The following KIAA1671 variants were observed in gnomAD, a reference collection of about 807,000 sequenced individuals.
The protein encoded by KIAA1671 is KIAA1671.
KIAA1671 carries 52 observed loss-of-function variants against 131.2 expected under a neutral mutation model. The observed-to-expected ratio is 0.40, with a 90% confidence interval of 0.32 to 0.50. The LOEUF is 0.50. Ranked by LOEUF, KIAA1671 falls within the 20% of genes least tolerant of loss-of-function variation. KIAA1671 has a pLI of 0.73. For missense variants in KIAA1671, 2,360 were observed against 2,364.2 expected (o/e 1.00, Z 0.04); for synonymous variants, 1,003 against 961.6 (o/e 1.04, Z -0.80).
chr22:25,135,425 A>G (rs1472948526), intron 6 of KIAA1671, among the ~76,000 whole-genome samples: 7 of 152,126 alleles, frequency 4.6e-5, no homozygotes, highest in African/African-American at 1.7e-4. Context: ...TGACCTTGTG[A>G]TCCACCTGCC....
chr22:25,082,036 C>T (rs989362130), intron 6 of KIAA1671, among the ~76,000 whole-genome samples: 1 of 152,030 alleles, frequency 6.6e-6, no homozygotes, highest in East Asian at 1.9e-4. Context: ...AGGTTGATGC[C>T]CTCTCCGTGC....
At chr22:25,181,457 C>T (rs1169723125) in intron 9 of KIAA1671, among the ~76,000 whole-genome samples, 1 of 152,178 alleles carries the variant, frequency 6.6e-6, no homozygotes, top group Non-Finnish European at 1.5e-5. Flanking sequence ...TGCCTCTGTC[C>T]TCCCGCAAAA....
intron 3 of KIAA1671, among the ~76,000 whole-genome samples, chr22:25,029,996 A>G (rs1379447466): frequency 1.3e-5 from 2 of 152,250 alleles, no homozygotes; most frequent in Non-Finnish European, 2.9e-5. Flanking sequence ...CAGAGGAGTC[A>G]AGGTAACTTG....
In KIAA1671 at chr22:25,197,207, T is replaced by A. The variant is rs544219946; in HGVS notation, c.*4806T>A. The A allele has an allele frequency of 2.0e-5, 3 of 152,238 alleles. No individual in the cohort carries two copies. Among genetic ancestry groups the A allele is most frequent in the Admixed American group, 6.5e-5 (1 of 15,292 alleles). 9.4% of individuals were successfully genotyped at this position (152,238 alleles called of 1,614,324 possible). A position where few individuals can be genotyped will look rare whatever the true frequency, so the allele number is the denominator to read the frequency against. The stretch of plus-strand genomic sequence containing the variant: ...AATCTCTAACCGTGTGACTGAGAAG[T>A]CATCTAGAAAAACTTATATTTTTAA... On this transcript the variant is annotated 3_prime_UTR_variant, in exon 13 of 13. Transcript: ENST00000358431.
intron 1 of KIAA1671, chr22:25,012,756 G>A (rs980769285): frequency 6.6e-6 from 1 of 152,220 alleles, no homozygotes; most frequent in Non-Finnish European, 1.5e-5. Flanking sequence ...GTATTCCTCT[G>A]TTAAATTGGG....
chr22:25,191,839 G>A (rs571639690), intron 12 of KIAA1671, among the ~76,000 whole-genome samples: 6 of 152,188 alleles, frequency 3.9e-5, no homozygotes, highest in South Asian at 2.1e-4. Context: ...CTAAGTCAGT[G>A]GTAAAACCTG....
intron 9 of KIAA1671, among the ~76,000 whole-genome samples, chr22:25,181,439 G>T (rs886940182): frequency 6.6e-6 from 1 of 152,172 alleles, no homozygotes; most frequent in African/African-American, 2.4e-5. Context: ...GGGCCCAGGA[G>T]ATGGGTTTGC....
At chr22:24,995,893 G>A (rs1363521367) in intron 1 of KIAA1671, among the ~76,000 whole-genome samples, 1 of 152,234 alleles carries the variant, frequency 6.6e-6, no homozygotes, top group Non-Finnish European at 1.5e-5. Context: ...GACTGGCTCT[G>A]GAAGTCCCTG....
In KIAA1671 at chr22:25,196,515, G is replaced by C. The variant is rs1039882824; in HGVS notation, c.*4114G>C. On this transcript the variant is annotated 3_prime_UTR_variant, in exon 13 of 13. Coordinates refer to ENST00000358431, the MANE Select transcript of KIAA1671 (RefSeq NM_001145206.2). ...AGTGGCACAATCATAGCTCACTCCA[G>C]CCTCCAACTCCTGGGCTCAAGCAAT... The C allele has an allele frequency of 6.6e-6, 1 of 151,828 alleles. No homozygotes were observed. Among genetic ancestry groups the C allele is most frequent in the African/African-American group, 2.4e-5 (1 of 41,274 alleles). 9.4% of individuals were successfully genotyped at this position (151,828 alleles called of 1,614,324 possible).
In KIAA1671 at chr22:25,093,823, T is replaced by TC. The variant is rs1555877744; in HGVS notation, c.4530+44459_4530+44460insC. ...CTCTCTCTCTCTCTGTCTCTCTCTCTTTCTCTCTCTGTCTGTCTCTCTCTC... is the reference window on the plus strand; with the variant it reads ...CTCTCTCTCTCTCTGTCTCTCTCTCTCTTCTCTCTCTGTCTGTCTCTCTCTC... On this transcript the variant is annotated intron_variant, in intron 6 of 12. Transcript: ENST00000358431. Among the ~76,000 whole-genome samples the TC allele has an allele frequency of 3.0e-3, 227 of 75,416 alleles. 14 individuals carry two copies. Among genetic ancestry groups the TC allele is most frequent in the Middle Eastern group, 5.6e-3 (1 of 178 alleles). The allele number at this position is 75,416 out of a possible 152,430, so 49.5% of individuals were successfully genotyped here. A position where few individuals can be genotyped will look rare whatever the true frequency, so the allele number is the denominator to read the frequency against.
chr22:24,987,171 A>AT (rs772183225), intron 1 of KIAA1671, among the ~76,000 whole-genome samples: 101 of 146,836 alleles, frequency 6.9e-4, no homozygotes, highest in South Asian at 1.5e-3. Context: ...TATTATTATT[A>AT]TTTTTTTTTT....
intron 6 of KIAA1671, among the ~76,000 whole-genome samples, chr22:25,089,058 A>G (rs1206217183): frequency 6.6e-6 from 1 of 152,228 alleles, no homozygotes; most frequent in African/African-American, 2.4e-5. Context: ...ACAATACAGC[A>G]TAACAGCTAT....
At chr22:25,064,900 C>A (rs1602110479) in intron 6 of KIAA1671, 1 of 152,352 alleles carries the variant, frequency 6.6e-6, no homozygotes, top group African/African-American at 2.4e-5. Context: ...AACCTGGGAC[C>A]CAGGCTCTGC....
At chr22:24,970,050 C>T (rs1052616698) in intron 1 of KIAA1671, among the ~76,000 whole-genome samples, 2 of 152,202 alleles carry the variant, frequency 1.3e-5, no homozygotes, top group African/African-American at 4.8e-5. Flanking sequence ...GGCAAACTCT[C>T]AAACCAGTCC....
intron 6 of KIAA1671, among the ~76,000 whole-genome samples, chr22:25,065,650 T>TTATTA (rs1568936865): frequency 3.4e-5 from 5 of 147,460 alleles, no homozygotes; most frequent in Non-Finnish European, 5.9e-5. Context: ...TATTATTATT[T>TTATTA]TTTTTTTTTT....
intron 6 of KIAA1671, among the ~76,000 whole-genome samples, chr22:25,137,501 C>T (rs1932730260): frequency 6.6e-6 from 1 of 152,158 alleles, no homozygotes; most frequent in African/African-American, 2.4e-5. Flanking sequence ...TACATAATGG[C>T]CAATAATTGA....
At chr22:25,113,962 C>T (rs186809605) in intron 6 of KIAA1671, among the ~76,000 whole-genome samples, 7 of 152,298 alleles carry the variant, frequency 4.6e-5, no homozygotes, top group Admixed American at 3.9e-4. Context: ...CAGGCAGGCT[C>T]TGTTGGCATC....
chr22:25,068,488 G>A (rs998852219), intron 6 of KIAA1671, among the ~76,000 whole-genome samples: 1 of 151,982 alleles, frequency 6.6e-6, no homozygotes, highest in Non-Finnish European at 1.5e-5. Flanking sequence ...CCAGGCTGGA[G>A]TGCAGTGGCA....
intron 2 of KIAA1671, among the ~76,000 whole-genome samples, chr22:25,026,195 T>C (rs1312951923): frequency 1.3e-5 from 2 of 152,302 alleles, no homozygotes; most frequent in East Asian, 3.9e-4. Context: ...TGCCTTTCTT[T>C]CCTGGAGGCT....
Sources: gnomAD v4.1 joint callset for allele counts (sites outside exome capture counted in the v4.1 genomes callset) on GRCh38, gnomAD v4.1.1 for gene constraint, MANE v1.5 for transcripts, NCBI Gene and HGNC (gene_info 2026-07-23, HGNC 2026-07-21) for gene names.